The following SLC30A9 variants were observed in gnomAD, a reference collection of about 807,000 sequenced individuals.
SLC30A9 encodes the protein solute carrier family 30 member 9.
SLC30A9 carries 58 observed loss-of-function variants against 87.5 expected under a neutral mutation model. The ratio of observed to expected loss-of-function variants is 0.66; its 90% CI spans 0.54 to 0.82. SLC30A9 has a LOEUF of 0.82. SLC30A9 is among the 40% of genes least tolerant of loss of function. The pLI is 0.00. For synonymous variants in SLC30A9, 234 were observed against 233.0 expected (o/e 1.00, Z -0.04); for missense variants, 557 against 679.1 (o/e 0.82, Z 2.00).
At chr4:42,066,693 C>T in intron 13 of SLC30A9, 72 bp downstream of exon 13, 1 of 966,886 alleles carries the variant, frequency 1.0e-6, no homozygotes, top group Non-Finnish European at 1.6e-6. Flanking sequence ...ACTGTTATTG[C>T]TTTGTTCCTA....
chr4:42,054,461 A>G (rs1024607411), intron 9 of SLC30A9, among the ~76,000 whole-genome samples: 1 of 151,908 alleles, frequency 6.6e-6, no homozygotes, highest in African/African-American at 2.4e-5. Context: ...ATTACTTAGT[A>G]GATATTTGAT....
rs139690208 is a variant in SLC30A9, at chr4:42,068,620, C to T, written c.1252+1428C>T. Among the ~76,000 whole-genome samples, 325 of 152,338 alleles carry T rather than the reference C, an allele frequency of 2.1e-3. 3 individuals carry two copies. The highest frequency in any genetic ancestry group is 3.9e-3 in the Non-Finnish European group (262 of 68,028). ...TTATATGTTGTTCCCTATAAAGTCG[C>T]AGTTTCTAAGAACCTATTGACAACA... On this transcript the variant is annotated intron_variant, in intron 14 of 17. Transcript: ENST00000264451.
intron 6 of SLC30A9, among the ~76,000 whole-genome samples, chr4:42,031,538 G>A (rs1178533733): frequency 1.3e-5 from 2 of 152,124 alleles, no homozygotes; most frequent in Non-Finnish European, 2.9e-5. Context: ...TTAAAATTAT[G>A]TTTATAGATT....
intron 2 of SLC30A9, among the ~76,000 whole-genome samples, chr4:42,014,630 A>G (rs78644300): frequency 0.028 from 4,287 of 152,280 alleles, 94 homozygotes; most frequent in African/African-American, 0.049. Flanking sequence ...ACTGTTCACA[A>G]TAGCCAAGGT....
rs778086072 is a variant in SLC30A9 at position 42,020,477 on chromosome 4, T to A, written c.396T>A (p.Thr132=). Reference sequence around the variant, plus strand: ...AGTACACTCAGAATAATTTCATCACTGGAGTCAGAGCGATAAATGAGTTCT... The same window carrying A: ...AGTACACTCAGAATAATTTCATCACAGGAGTCAGAGCGATAAATGAGTTCT... ...GSKYTQNNFI[T]GVRAINEFCL... The change falls in exon 4 of 18, where the codon ACT becomes ACA. Residue 132 remains threonine (T), a synonymous_variant. Coordinates refer to ENST00000264451, the MANE Select transcript of SLC30A9 (RefSeq NM_006345.4). 15 of 1,603,564 alleles carry A rather than the reference T, an allele frequency of 9.4e-6. No homozygotes were observed. Among genetic ancestry groups the A allele is most frequent in the African/African-American group, 1.3e-5 (1 of 74,876 alleles).
rs1362767437 is a variant in SLC30A9 at position 41,990,630 on chromosome 4, T to A, written c.-22T>A. On this transcript the variant is annotated 5_prime_UTR_variant, in exon 1 of 18. It removes the in-frame stop codon of an upstream open reading frame in the 5' UTR. Coordinates refer to ENST00000264451, the MANE Select transcript of SLC30A9 (RefSeq NM_006345.4). ...GCGGAGGCAGAAGGCGGTGTCCGAG[T>A]AGGGGCCTCTGCCCCACCAGGATGT... 1.4e-6 allele frequency: 2 copies of A among 1,477,610 alleles called. No homozygotes were observed. Among genetic ancestry groups the A allele is most frequent in the South Asian group, 2.3e-5 (2 of 87,158 alleles). The allele number at this position is 1,477,610 out of a possible 1,614,324, so 91.5% of individuals were successfully genotyped here.
chr4:41,991,564 A>C (rs980876142), intron 1 of SLC30A9, among the ~76,000 whole-genome samples: 1 of 152,190 alleles, frequency 6.6e-6, no homozygotes, highest in Non-Finnish European at 1.5e-5. Context: ...AGAAGACAGA[A>C]CTAAGTCCAC....
chr4:42,058,118 A>C (rs1158267562), intron 9 of SLC30A9, among the ~76,000 whole-genome samples: 2 of 152,078 alleles, frequency 1.3e-5, no homozygotes, highest in Non-Finnish European at 2.9e-5. Flanking sequence ...AAAAAAAAAA[A>C]AAACTGAATT....
At chr4:42,022,276 G>A (rs10461065) in intron 4 of SLC30A9, among the ~76,000 whole-genome samples, 92,171 of 143,260 alleles carry the variant, frequency 0.64, 33,598 homozygotes, top group East Asian at 0.96. Context: ...CTCCTAGGCC[G>A]AAGTACAGTG....
At chr4:42,045,372 A>C (rs1340374272) in intron 8 of SLC30A9, among the ~76,000 whole-genome samples, 1 of 152,180 alleles carries the variant, frequency 6.6e-6, no homozygotes, top group Non-Finnish European at 1.5e-5. Context: ...GAAAAATGAT[A>C]AAGGGGATGT....
intron 8 of SLC30A9, among the ~76,000 whole-genome samples, chr4:42,045,816 A>G (rs1717127360): frequency 6.6e-6 from 1 of 152,214 alleles, no homozygotes; most frequent in Admixed American, 6.5e-5. Flanking sequence ...CGATGCAGAA[A>G]TCCTCAATAA....
chr4:42,024,729 T>C (rs539783169), intron 6 of SLC30A9, among the ~76,000 whole-genome samples: 2 of 152,318 alleles, frequency 1.3e-5, no homozygotes, highest in South Asian at 4.1e-4. Context: ...ATGCTGGATA[T>C]TAACAAGATT....
At chr4:42,057,141 G>A (rs1197006435) in intron 9 of SLC30A9, among the ~76,000 whole-genome samples, 2 of 152,192 alleles carry the variant, frequency 1.3e-5, no homozygotes, top group East Asian at 3.9e-4. Flanking sequence ...CAGGTGCACT[G>A]TGCAAGCTGT....
At chr4:42,067,278 A>G (rs1360938037) in intron 14 of SLC30A9, 86 bp downstream of exon 14, 14 of 835,068 alleles carry the variant, frequency 1.7e-5, no homozygotes, top group Non-Finnish European at 2.6e-5. Context: ...ATATCATTGA[A>G]TAATATTAAA....
chr4:42,042,334 G>A (rs2153137737), intron 8 of SLC30A9, among the ~76,000 whole-genome samples: 1 of 152,306 alleles, frequency 6.6e-6, no homozygotes, highest in African/African-American at 2.4e-5. Flanking sequence ...TGCCAGCACA[G>A]CTGTCTGAAG....
At chr4:42,029,682 G>A in intron 6 of SLC30A9, 1 of 753,160 alleles carries the variant, frequency 1.3e-6, no homozygotes, top group Non-Finnish European at 2.5e-6. Context: ...TGAGTGGCTG[G>A]GAAATTGCTC....
chr4:42,066,653 A>G, intron 13 of SLC30A9, 32 bp downstream of exon 13: 1 of 1,447,424 alleles, frequency 6.9e-7, no homozygotes, highest in South Asian at 1.2e-5. Flanking sequence ...TGTTTGTTTC[A>G]CCTCCCTTAT....
At position 42,037,786 on chromosome 4, in the gene SLC30A9, A is replaced by G. The variant is rs1016333237; in HGVS notation, c.670-1200A>G. 7.9e-5 allele frequency among the ~76,000 whole-genome samples: 12 copies of G among 152,092 alleles called. No homozygotes were observed. In the East Asian group the frequency reaches 2.1e-3, roughly 27 times the overall value. On this transcript the variant is annotated intron_variant, in intron 7 of 17. Coordinates refer to ENST00000264451, the MANE Select transcript of SLC30A9 (RefSeq NM_006345.4). ...TGCTCTGATTATGGAATTTTTTAAT[A>G]TTTTATTTTATTTTATTTTTGAGAC...
intron 8 of SLC30A9, among the ~76,000 whole-genome samples, chr4:42,041,914 C>T (rs562027794): frequency 2.6e-5 from 4 of 152,236 alleles, no homozygotes; most frequent in Non-Finnish European, 4.4e-5. Context: ...GAGGGTGACC[C>T]GAAGCAGGGT....
Sources: allele counts gnomAD v4.1 joint callset (sites outside exome capture counted in the v4.1 genomes callset), GRCh38; gene constraint gnomAD v4.1.1; transcripts MANE v1.5; gene names NCBI Gene and HGNC (gene_info 2026-07-23, HGNC 2026-07-21).